The following KATNAL1 variants were observed in gnomAD, a reference collection of about 807,000 sequenced individuals.
The protein encoded by KATNAL1 is katanin catalytic subunit A1 like 1.
A neutral mutation model predicts 55.2 loss-of-function variants in KATNAL1; 32 were observed. The ratio of observed to expected loss-of-function variants is 0.58; its 90% confidence interval spans 0.44 to 0.78. The LOEUF (loss-of-function observed/expected upper bound fraction) is 0.78, where lower values mean the gene tolerates loss of function less well. Ranked by LOEUF, KATNAL1 falls within the 30% of genes least tolerant of loss-of-function variation. The probability of loss-of-function intolerance (pLI) is 0.00; values close to 1 mark genes in which losing one functional copy is unlikely to be tolerated. For synonymous variants in KATNAL1, 193 were observed against 193.6 expected, an observed-to-expected ratio of 1.00 and a Z score of 0.02; for missense variants, 466 against 600.9, an observed-to-expected ratio of 0.78 and a Z score of 2.35.
chr13:30,267,350 T>G (rs1196294634), intron 3 of KATNAL1, among the ~76,000 whole-genome samples: 1 of 152,232 alleles, frequency 6.6e-6, no homozygotes. Context: ...CTCACAGGTC[T>G]TTGTCCAGTT....
At chr13:30,212,768 T>C (rs936776599) in intron 9 of KATNAL1, among the ~76,000 whole-genome samples, 1 of 152,192 alleles carries the variant, frequency 6.6e-6, no homozygotes, top group African/African-American at 2.4e-5. Context: ...CCAAACAATA[T>C]GATGGATACA....
At chr13:30,277,749 C>T (rs543720736) in intron 3 of KATNAL1, among the ~76,000 whole-genome samples, 75 of 151,918 alleles carry the variant, frequency 4.9e-4, no homozygotes, top group South Asian at 1.0e-3. Context: ...TTTGGGAGGC[C>T]GAGGCGGGCG....
Position 30,240,461 on chromosome 13 carries a change from T to C in KATNAL1, c.725A>G (p.Lys242Arg), listed in dbSNP as rs747806353. Residue 242 changes from lysine to arginine, a missense_variant and splice_region_variant, in exon 6 of 11, where the codon AAG (lysine) becomes AGG (arginine). Coordinates refer to ENST00000380615, the MANE Select transcript of KATNAL1 (RefSeq NM_032116.5). ...AAAACCAATTTAATAAATTCTCACCTTCCATGGCCTTCTAATCCCTTTGAA... is the reference window on the plus strand; with the variant it reads ...AAAACCAATTTAATAAATTCTCACCCTCCATGGCCTTCTAATCCCTTTGAA... Reference protein sequence around the residue: ...DFFKGIRRPWKGVLMVGPPGT... With the variant: ...DFFKGIRRPWRGVLMVGPPGT... The C allele has an allele frequency of 3.1e-6, 5 of 1,602,962 alleles. No individual in the cohort carries two copies. Among genetic ancestry groups the C allele is most frequent in the Non-Finnish European group, 4.3e-6 (5 of 1,170,346 alleles).
In KATNAL1 at chr13:30,266,161, C is replaced by T. The variant is rs185941787; in HGVS notation, c.324-10546G>A. 8.3e-3 allele frequency among the ~76,000 whole-genome samples: 1,267 copies of T among 152,166 alleles called. 6 individuals are homozygous for T. Among genetic ancestry groups the T allele is most frequent in the Middle Eastern group, 0.031 (9 of 292 alleles). On this transcript the variant is annotated intron_variant, in intron 3 of 10. Coordinates refer to ENST00000380615, the MANE Select transcript of KATNAL1 (RefSeq NM_032116.5). ...GGGATTACAGGAATGTGCCACTATGCCCAGCTAATTTCTGTATTTTTGTGG... is the reference window on the plus strand; with the variant it reads ...GGGATTACAGGAATGTGCCACTATGTCCAGCTAATTTCTGTATTTTTGTGG...
At chr13:30,304,266 CTCTT>C (rs1315928408) in intron 1 of KATNAL1, among the ~76,000 whole-genome samples, 8 of 148,890 alleles carry the variant, frequency 5.4e-5, no homozygotes, top group African/African-American at 2.0e-4. Context: ...ATACACACAA[CTCTT>C]TTTTTTTTTT....
At chr13:30,250,219 T>C (rs1166747230) in intron 4 of KATNAL1, among the ~76,000 whole-genome samples, 1 of 152,208 alleles carries the variant, frequency 6.6e-6, no homozygotes, top group Admixed American at 6.5e-5. Flanking sequence ...TGTCTAGATT[T>C]AGAAAAGTAA....
intron 3 of KATNAL1, among the ~76,000 whole-genome samples, chr13:30,272,270 C>T (rs1305515132): frequency 3.3e-5 from 5 of 152,070 alleles, no homozygotes; most frequent in Non-Finnish European, 7.4e-5. Context: ...TGGTGGCTCA[C>T]GCCTGTAATC....
chr13:30,248,919 C>T (rs945216429), intron 4 of KATNAL1, among the ~76,000 whole-genome samples: 11 of 152,136 alleles, frequency 7.2e-5, no homozygotes, highest in African/African-American at 2.4e-4. Flanking sequence ...ATTAGCCGGG[C>T]GTGGTGGTGG....
intron 10 of KATNAL1, among the ~76,000 whole-genome samples, chr13:30,209,513 G>A (rs1034457330): frequency 6.6e-6 from 1 of 152,166 alleles, no homozygotes; most frequent in Non-Finnish European, 1.5e-5. Flanking sequence ...GGCTACTAAA[G>A]TCAATTTAAG....
chr13:30,210,276 T>C (rs1873549944), intron 10 of KATNAL1, 40 bp downstream of exon 10: 2 of 1,548,660 alleles, frequency 1.3e-6, no homozygotes, highest in Non-Finnish European at 1.7e-6. Context: ...CTGCGAAGTC[T>C]ATAACTAATG....
intron 4 of KATNAL1, among the ~76,000 whole-genome samples, chr13:30,243,608 CAAAAA>C (rs139687662): frequency 1.4e-4 from 12 of 86,462 alleles, no homozygotes; most frequent in Middle Eastern, 6.6e-3. Flanking sequence ...GGTATTAAGC[CAAAAA>C]AAAAAAAAAA....
intron 2 of KATNAL1, among the ~76,000 whole-genome samples, chr13:30,281,551 A>G (rs1881334755): frequency 6.6e-6 from 1 of 152,248 alleles, no homozygotes; most frequent in African/African-American, 2.4e-5. Context: ...TGGAGCAAGT[A>G]TATTGTTCTC....
chr13:30,300,521 G>GA lies in KATNAL1; in HGVS notation c.-15+6809dup, dbSNP rs879637592. On this transcript the variant is annotated intron_variant, in intron 1 of 10. Transcript: ENST00000380615. Reference sequence around the variant, plus strand: ...TATGTCCAGGCTTTACATGCTTAATGAAAAAAAAAAAAGTTTCTCCAAATC... The same window carrying GA: ...TATGTCCAGGCTTTACATGCTTAATGAAAAAAAAAAAAAGTTTCTCCAAATC... Among the ~76,000 whole-genome samples, 357 of 143,122 alleles carry GA rather than the reference G, an allele frequency of 2.5e-3. 2 individuals are homozygous for GA. The highest frequency in any genetic ancestry group is 7.7e-3 in the African/African-American group (300 of 39,196). The allele number at this position is 143,122 out of a possible 152,430, so 93.9% of individuals were successfully genotyped here. A position where few individuals can be genotyped will look rare whatever the true frequency, so the allele number is the denominator to read the frequency against.
rs1046031227 is a variant in KATNAL1 at position 30,203,922 on chromosome 13, AG to A, written c.*4617del. On this transcript the variant is annotated 3_prime_UTR_variant, in exon 11 of 11. Coordinates refer to ENST00000380615, the MANE Select transcript of KATNAL1 (RefSeq NM_032116.5). Reference sequence around the variant, plus strand: ...TTAAGTATGAAAAGCCTAATTTAAAAGTATAAATAAGTAAACTTACAATAAT... The same window carrying A: ...TTAAGTATGAAAAGCCTAATTTAAAATATAAATAAGTAAACTTACAATAAT... 1.1e-4 allele frequency: 17 copies of A among 152,332 alleles called. No homozygotes were observed. Among genetic ancestry groups the A allele is most frequent in the African/African-American group, 3.6e-4 (15 of 41,586 alleles). 9.4% of individuals were successfully genotyped at this position (152,332 alleles called of 1,614,324 possible).
intron 1 of KATNAL1, among the ~76,000 whole-genome samples, chr13:30,286,194 C>T (rs1172869130): frequency 6.6e-6 from 1 of 152,212 alleles, no homozygotes; most frequent in Non-Finnish European, 1.5e-5. Context: ...GCATAAGTAA[C>T]AAGGAATCAA....
At chr13:30,256,287 A>G (rs1878779589) in intron 3 of KATNAL1, among the ~76,000 whole-genome samples, 1 of 152,244 alleles carries the variant, frequency 6.6e-6, no homozygotes, top group South Asian at 2.1e-4. Context: ...CATGCAAAAT[A>G]ACATATTTTG....
chr13:30,250,897 G>C, intron 4 of KATNAL1, among the ~76,000 whole-genome samples: 1 of 152,156 alleles, frequency 6.6e-6, no homozygotes, highest in Non-Finnish European at 1.5e-5. Context: ...CCAGCACTTC[G>C]GGAGGCCGAG....
At position 30,296,443 on chromosome 13, in the gene KATNAL1, G is replaced by A. The variant is rs116630222; in HGVS notation, c.-15+10888C>T. The A allele has an allele frequency of 1.7e-3, 1,408 of 806,608 alleles. 15 individuals are homozygous for A. The African/African-American group carries it at 0.022, about 12-fold the overall frequency. 50.0% of individuals were successfully genotyped at this position (806,608 alleles called of 1,614,324 possible). ...GGAAGGAGGGAGGCTTGGGCCCCCTGAACATCCCCCTGCTTGCTAATGTGG... is the reference window on the plus strand; with the variant it reads ...GGAAGGAGGGAGGCTTGGGCCCCCTAAACATCCCCCTGCTTGCTAATGTGG... On this transcript the variant is annotated intron_variant, in intron 1 of 10. Transcript: ENST00000380615.
chr13:30,234,624 T>A (rs930638575), intron 6 of KATNAL1, among the ~76,000 whole-genome samples: 1 of 152,180 alleles, frequency 6.6e-6, no homozygotes, highest in Non-Finnish European at 1.5e-5. Flanking sequence ...AACTCATCCA[T>A]ACCCAGATCA....
Sources: allele counts gnomAD v4.1 joint callset (sites outside exome capture counted in the v4.1 genomes callset), GRCh38; gene constraint gnomAD v4.1.1; transcripts MANE v1.5; gene names NCBI Gene and HGNC (gene_info 2026-07-23, HGNC 2026-07-21).